The following PTPRE variants were observed in gnomAD, a reference collection of about 807,000 sequenced individuals.
PTPRE encodes the protein protein tyrosine phosphatase receptor type E, also known as receptor-type tyrosine-protein phosphatase epsilon.
A neutral mutation model predicts 102.0 loss-of-function variants in PTPRE; 51 were observed. That is an observed-to-expected ratio of 0.50 (90% confidence interval 0.40 to 0.63). The LOEUF (loss-of-function observed/expected upper bound fraction) is 0.63. PTPRE is among the 30% of genes least tolerant of loss of function. The pLI, the probability that PTPRE is intolerant of heterozygous loss-of-function variation, is 0.00. For missense variants in PTPRE, 752 were observed against 915.1 expected, an observed-to-expected ratio of 0.82 and a Z score of 2.30; for synonymous variants, 345 against 348.2, an observed-to-expected ratio of 0.99 and a Z score of 0.10.
chr10:128,008,544 G>T lies in PTPRE; in HGVS notation c.-8+26248G>T, dbSNP rs145919190. ...AGGTCAGGGGACTCTGGAGTTGGGGGTGGTATTTCCTGGGAGACAGCCAGC... is the reference window on the plus strand; with the variant it reads ...AGGTCAGGGGACTCTGGAGTTGGGGTTGGTATTTCCTGGGAGACAGCCAGC... On this transcript the variant is annotated intron_variant, in intron 2 of 20. Coordinates refer to ENST00000254667, the MANE Select transcript of PTPRE (RefSeq NM_006504.6). The surrounding 1 kb of genome is among the most constrained non-coding windows in gnomAD (Gnocchi z 4.0). 6.6e-6 allele frequency among the ~76,000 whole-genome samples: 1 copy of T among 152,184 alleles called. No homozygotes were observed. Among genetic ancestry groups the T allele is most frequent in the Non-Finnish European group, 1.5e-5 (1 of 68,036 alleles).
chr10:128,024,692 A>G (rs553215543), intron 2 of PTPRE, among the ~76,000 whole-genome samples: 4 of 152,260 alleles, frequency 2.6e-5, no homozygotes, highest in African/African-American at 9.6e-5. Context: ...TGCTGGTCCC[A>G]CCCCTCAGCA....
chr10:127,988,236 A>T (rs1852275144), intron 2 of PTPRE, among the ~76,000 whole-genome samples: 1 of 151,254 alleles, frequency 6.6e-6, no homozygotes, highest in African/African-American at 2.4e-5. Context: ...CCCCCTGTGG[A>T]TTGAGCAACA....
intron 2 of PTPRE, among the ~76,000 whole-genome samples, chr10:128,006,095 AG>A (rs1211782307): frequency 6.6e-6 from 1 of 152,214 alleles, no homozygotes; most frequent in Non-Finnish European, 1.5e-5. Context: ...TTTCTAAATA[AG>A]GTCACATTCT....
At chr10:128,072,715 G>C (rs12098433) in intron 16 of PTPRE, 22,420 of 148,112 alleles carry the variant, frequency 0.15, 1,864 homozygotes, top group African/African-American at 0.19. Context: ...ACATAGACTC[G>C]CTGCTAAGTA....
intron 10 of PTPRE, among the ~76,000 whole-genome samples, chr10:128,064,120 C>A (rs1849853131): frequency 6.6e-6 from 1 of 152,154 alleles, no homozygotes; most frequent in African/African-American, 2.4e-5. Context: ...GGAAGGGCTG[C>A]CATTTTTAGA....
chr10:128,072,262 C>G, intron 16 of PTPRE, 48 bp downstream of exon 16: 1 of 1,454,170 alleles, frequency 6.9e-7, no homozygotes, highest in Non-Finnish European at 9.6e-7. Flanking sequence ...GTTTCCTTCA[C>G]ATGTGACCAC....
intron 2 of PTPRE, among the ~76,000 whole-genome samples, chr10:128,007,669 G>T (rs1346951331): frequency 6.6e-6 from 1 of 152,192 alleles, no homozygotes. Flanking sequence ...TTGAATTCAG[G>T]CTCTGCCGTT....
chr10:128,049,618 C>T lies in PTPRE; in HGVS notation c.372C>T (p.Ile124=), dbSNP rs754869256. ...CCGTGGAGCACCTGGAGGAGGAGAT[C>T]CGTATCAGATCCGCCGACGACTGCA... ...PIPVEHLEEE[I]RIRSADDCKQ... is the part of the protein sequence containing the mutation. The change falls in exon 6 of 21, where the codon ATC becomes ATT. Residue 124 remains isoleucine, a synonymous_variant. Coordinates refer to ENST00000254667, the MANE Select transcript of PTPRE (RefSeq NM_006504.6). 17 of 1,613,868 alleles carry T rather than the reference C, an allele frequency of 1.1e-5. No homozygotes were observed. Among genetic ancestry groups the T allele is most frequent in the Middle Eastern group, 1.6e-4 (1 of 6,084 alleles).
chr10:127,980,674 G>A (rs1851539641), intron 1 of PTPRE, among the ~76,000 whole-genome samples: 1 of 152,118 alleles, frequency 6.6e-6, no homozygotes, highest in Admixed American at 6.5e-5. Flanking sequence ...GTTACCAGAA[G>A]TATTTTTTCT....
chr10:128,077,579 C>A lies in PTPRE; in HGVS notation c.1726-38C>A, dbSNP rs117334788. Reference sequence around the variant, plus strand: ...GATGGGGCTGGGGCCTGTTCCCCGGCAGGCAGGCGACGCTGAGACCCCCTC... The same window carrying A: ...GATGGGGCTGGGGCCTGTTCCCCGGAAGGCAGGCGACGCTGAGACCCCCTC... On this transcript the variant is annotated intron_variant, in intron 18 of 20. Transcript: ENST00000254667. 9.5e-6 allele frequency: 15 copies of A among 1,572,850 alleles called. No homozygotes were observed. The East Asian group carries it at 3.4e-4, about 36-fold the overall frequency.
In PTPRE at chr10:128,070,198, A is replaced by G. The variant is rs1850645460; in HGVS notation, c.1144-103A>G. 7.2e-7 allele frequency: 1 copy of G among 1,379,922 alleles called. No homozygotes were observed. The highest frequency in any genetic ancestry group is 2.4e-5 in the Admixed American group (1 of 42,148). The allele number at this position is 1,379,922 out of a possible 1,614,324, so 85.5% of individuals were successfully genotyped here. A position where few individuals can be genotyped will look rare whatever the true frequency, so the allele number is the denominator to read the frequency against. On this transcript the variant is annotated intron_variant, in intron 13 of 20. Transcript: ENST00000254667. The surrounding 1 kb of genome is among the most constrained non-coding windows in gnomAD (Gnocchi z 4.8). ...CCTCACACCTCCTTGTGTTGGCAAA[A>G]AGAGAAAAAGAAGAAAGCCGCCCTC... is the stretch of plus-strand genomic sequence containing the variant.
intron 1 of PTPRE, among the ~76,000 whole-genome samples, chr10:127,960,518 C>A (rs1263013861): frequency 6.6e-6 from 1 of 152,200 alleles, no homozygotes. Context: ...AGCCGTGCCT[C>A]CCCCGAGTCC....
intron 2 of PTPRE, among the ~76,000 whole-genome samples, chr10:128,020,890 C>CT (rs1376651201): frequency 9.9e-4 from 146 of 147,936 alleles, no homozygotes; most frequent in African/African-American, 3.2e-3. Flanking sequence ...GGTACAGTGT[C>CT]TTTTTTTTTT....
chr10:128,019,125 C>T (rs550915548), intron 2 of PTPRE, among the ~76,000 whole-genome samples: 1 of 152,236 alleles, frequency 6.6e-6, no homozygotes, highest in Non-Finnish European at 1.5e-5. Flanking sequence ...GCCCCCTCTC[C>T]CCTCCCAGCC....
chr10:128,029,144 G>A (rs755264277), intron 2 of PTPRE, among the ~76,000 whole-genome samples: 5 of 152,200 alleles, frequency 3.3e-5, no homozygotes, highest in Non-Finnish European at 5.9e-5. Flanking sequence ...TGTGGTGCAC[G>A]TGAGTCATCA....
At position 128,055,646 on chromosome 10, in the gene PTPRE, C is replaced by G. The variant is rs369706757; in HGVS notation, c.421-477C>G. On this transcript the variant is annotated intron_variant, in intron 6 of 20. Transcript: ENST00000254667. ...CTGTATCTAAGGCTGTTTCCCGCCC[C>G]TTGCCTCCCAGGACCGCTCTATTCA... Among the ~76,000 whole-genome samples, 6 of 152,308 alleles carry G rather than the reference C, an allele frequency of 3.9e-5. No homozygotes were observed. The East Asian group carries it at 9.7e-4, about 25-fold the overall frequency.
Position 128,036,609 on chromosome 10 carries a change from C to T in PTPRE, c.-7-4266C>T, listed in dbSNP as rs61875267. ...CTTGTCTCAGCTAATGAATGATGCT[C>T]CCTCCCACCCCAGCTCCCAAGATGG... On this transcript the variant is annotated intron_variant, in intron 2 of 20. Coordinates refer to ENST00000254667, the MANE Select transcript of PTPRE (RefSeq NM_006504.6). 9.6e-3 allele frequency among the ~76,000 whole-genome samples: 1,466 copies of T among 152,114 alleles called. 15 individuals are homozygous for T. Among genetic ancestry groups the T allele is most frequent in the Non-Finnish European group, 0.015 (1,006 of 67,994 alleles).
intron 1 of PTPRE, among the ~76,000 whole-genome samples, chr10:127,913,548 G>A (rs745880083): frequency 2.6e-5 from 4 of 152,166 alleles, no homozygotes; most frequent in African/African-American, 4.8e-5. Context: ...GAAGGACTTG[G>A]CATTGGCATT....
At chr10:128,068,559 C>T (rs369675946) in intron 12 of PTPRE, 7 of 286,776 alleles carry the variant, frequency 2.4e-5, no homozygotes, top group Admixed American at 1.5e-4. Context: ...TCTGCTTGGC[C>T]GCCCTCACCT....
Sources: allele counts gnomAD v4.1 joint callset (sites outside exome capture counted in the v4.1 genomes callset), GRCh38; gene constraint gnomAD v4.1.1; non-coding constraint Gnocchi (gnomAD v3.1); transcripts MANE v1.5; gene names NCBI Gene and HGNC (gene_info 2026-07-23, HGNC 2026-07-21).